The following SUN2 variants were observed in gnomAD, a reference collection of about 807,000 sequenced individuals.
The protein encoded by SUN2 is Sad1 and UNC84 domain containing 2.
In SUN2, 60 loss-of-function variants were observed where a neutral mutation model predicts 100.0. That is an observed-to-expected ratio of 0.60 (90% CI 0.49 to 0.74). The LOEUF (loss-of-function observed/expected upper bound fraction) is 0.74, where lower values mean the gene tolerates loss of function less well. SUN2 is among the 30% of genes least tolerant of loss of function. The pLI is 0.00. For missense variants in SUN2, 834 were observed against 954.6 expected (o/e 0.87, Z 1.66); for synonymous variants, 367 against 403.3 (o/e 0.91, Z 1.08).
At position 38,739,966 on chromosome 22, in the gene SUN2, C is replaced by CAGGG; in HGVS notation, c.1357-24_1357-23insCCCT. 11 of 1,603,796 alleles carry CAGGG rather than the reference C, an allele frequency of 6.9e-6. No individual in the cohort carries two copies. Among genetic ancestry groups the CAGGG allele is most frequent in the Non-Finnish European group, 9.3e-6 (11 of 1,177,628 alleles). On this transcript the variant is annotated intron_variant, in intron 12 of 17. Transcript: ENST00000689035. The surrounding 1 kb of genome is among the most constrained non-coding windows in gnomAD (Gnocchi z 6.7). Reference sequence around the variant, plus strand: ...CACCTATAGGAACCCAAAGGGGTGTCACCCTGGGGGGCTTGCAGGGACAGC... The same window carrying CAGGG: ...CACCTATAGGAACCCAAAGGGGTGTCAGGGACCCTGGGGGGCTTGCAGGGACAGC...
In SUN2 at chr22:38,736,088, TA is replaced by T; in HGVS notation, c.*178del. 1.5e-6 allele frequency: 1 copy of T among 685,564 alleles called. No homozygotes were observed. Among genetic ancestry groups the T allele is most frequent in the Non-Finnish European group, 2.7e-6 (1 of 372,498 alleles). The allele number at this position is 685,564 out of a possible 1,614,324, so 42.5% of individuals were successfully genotyped here. A position where few individuals can be genotyped will look rare whatever the true frequency, so the allele number is the denominator to read the frequency against. The stretch of plus-strand genomic sequence containing the variant: ...GAAGAAGGGAGCTGCTGGAGCCTGC[TA>T]ACCGCCTCGAGCCACCTGCTGCTCA... On this transcript the variant is annotated 3_prime_UTR_variant, in exon 18 of 18. Transcript: ENST00000689035.
chr22:38,755,297 G>T lies in SUN2; in HGVS notation c.-38+466C>A, dbSNP rs1274284791. The T allele has an allele frequency of 1.7e-5, 19 of 1,119,710 alleles. No homozygotes were observed. The highest frequency in any genetic ancestry group is 1.8e-5 in the Non-Finnish European group (16 of 907,326). 69.4% of individuals were successfully genotyped at this position (1,119,710 alleles called of 1,614,324 possible). ...CTGCAGAAATTGTCACCAAAGGCGC[G>T]CCTCCTGGCTCTCTAAGTCACACCG... On this transcript the variant is annotated intron_variant, in intron 1 of 17. Transcript: ENST00000689035. This position sits in a 1 kb window ranked among gnomAD's most constrained non-coding sequence, Gnocchi z 5.7.
At chr22:38,752,187 G>T (rs2092950298) in intron 2 of SUN2, among the ~76,000 whole-genome samples, 1 of 152,052 alleles carries the variant, frequency 6.6e-6, no homozygotes, top group Non-Finnish European at 1.5e-5. Flanking sequence ...GTTGGTCAGG[G>T]TCAGGTGATC....
chr22:38,734,975 G>C lies in SUN2; in HGVS notation c.*1292C>G. On this transcript the variant is annotated 3_prime_UTR_variant, in exon 18 of 18. Coordinates refer to ENST00000689035, the MANE Select transcript of SUN2 (RefSeq NM_015374.3). ...CCCCTTCCCCGCAGCCAGACCACCA[G>C]ACACAGCCGGAACCAGTGCCCCAGG... 3.5e-6 allele frequency: 1 copy of C among 284,592 alleles called. No homozygotes were observed. Among genetic ancestry groups the C allele is most frequent in the Non-Finnish European group, 6.9e-6 (1 of 143,928 alleles). 17.6% of individuals were successfully genotyped at this position (284,592 alleles called of 1,614,324 possible).
In SUN2 at chr22:38,738,154, G is replaced by GCATCTGCCCAGGTACGC. The variant is rs1209211150; in HGVS notation, c.2040+18_2040+19insGCGTACCTGGGCAGATG. ...TGGGGAGTCTGCGCCACTTCTGCTAGCACAGCAGCATCCCGTACCTGAAAG... is the reference window on the plus strand; with the variant it reads ...TGGGGAGTCTGCGCCACTTCTGCTAGCATCTGCCCAGGTACGCCACAGCAGCATCCCGTACCTGAAAG... On this transcript the variant is annotated intron_variant, in intron 17 of 17. Transcript: ENST00000689035. This position sits in a 1 kb window ranked among gnomAD's most constrained non-coding sequence, Gnocchi z 6.6. 6.2e-7 allele frequency: 1 copy of GCATCTGCCCAGGTACGC among 1,611,200 alleles called. No homozygotes were observed. The highest frequency in any genetic ancestry group is 8.5e-7 in the Non-Finnish European group (1 of 1,177,682).
Position 38,752,561 on chromosome 22 carries a change from C to T in SUN2, c.68G>A (p.Gly23Glu), listed in dbSNP as rs1277872262. 1.2e-6 allele frequency: 2 copies of T among 1,613,924 alleles called. No individual in the cohort carries two copies. The highest frequency in any genetic ancestry group is 2.7e-5 in the African/African-American group (2 of 74,952). ...CTGACTCCCAGCCACCGAGCTCCCT[C>T]CGCTGCTGCTGCTGCCGTCATCGTC... ...QGDDDGSSSS[G>E]GSSVAGSQST... Residue 23 changes from glycine to glutamate, a missense_variant, in exon 2 of 18, where the codon GGA (glycine) becomes GAA (glutamate). Around this residue, in one of 3 missense-constraint regions of SUN2, gnomAD observed 559 missense variants for 597.7 expected, o/e 0.94. Transcript: ENST00000689035.
intron 2 of SUN2, among the ~76,000 whole-genome samples, chr22:38,751,710 C>T (rs5750677): frequency 0.3 from 44,946 of 152,166 alleles, 6,845 homozygotes; most frequent in East Asian, 0.46. Context: ...GCCTGTGAGC[C>T]GGGCAGGACG....
In SUN2 at chr22:38,742,156, A is replaced by G. The variant is rs1045918809; in HGVS notation, c.1068+145T>C. Reference sequence around the variant, plus strand: ...AGATATTGTCTCAAAAAGAAAAAAAAAAAAGAAAAAAAGAGAAAGGGAGTA... The same window carrying G: ...AGATATTGTCTCAAAAAGAAAAAAAGAAAAGAAAAAAAGAGAAAGGGAGTA... On this transcript the variant is annotated intron_variant, in intron 9 of 17. Coordinates refer to ENST00000689035, the MANE Select transcript of SUN2 (RefSeq NM_015374.3). The G allele has an allele frequency of 6.2e-6, 7 of 1,123,762 alleles. No homozygotes were observed. In the African/African-American group the frequency reaches 6.3e-5, roughly 10 times the overall value. 69.6% of individuals were successfully genotyped at this position (1,123,762 alleles called of 1,614,324 possible). A position where few individuals can be genotyped will look rare whatever the true frequency, so the allele number is the denominator to read the frequency against.
rs761966008 is a variant in SUN2 at position 38,739,022 on chromosome 22, G to A, written c.1664-34C>T. 15 of 1,576,538 alleles carry A rather than the reference G, an allele frequency of 9.5e-6. No homozygotes were observed. In the East Asian group the frequency reaches 1.2e-4, roughly 12 times the overall value. Reference sequence around the variant, plus strand: ...GGAGAGGAAGGCAGGGTGGGCTCCCGCACGGGAGGAGGGCCCCGCTCAGGC... The same window carrying A: ...GGAGAGGAAGGCAGGGTGGGCTCCCACACGGGAGGAGGGCCCCGCTCAGGC... On this transcript the variant is annotated intron_variant, in intron 14 of 17. Coordinates refer to ENST00000689035, the MANE Select transcript of SUN2 (RefSeq NM_015374.3). This position sits in a 1 kb window ranked among gnomAD's most constrained non-coding sequence, Gnocchi z 6.7.
At position 38,755,692 on chromosome 22, in the gene SUN2, G is replaced by T; in HGVS notation, c.-38+71C>A. 3.1e-6 allele frequency: 3 copies of T among 981,072 alleles called. No individual in the cohort carries two copies. Among genetic ancestry groups the T allele is most frequent in the Non-Finnish European group, 3.6e-6 (3 of 826,250 alleles). 60.8% of individuals were successfully genotyped at this position (981,072 alleles called of 1,614,324 possible). On this transcript the variant is annotated intron_variant, in intron 1 of 17. Transcript: ENST00000689035. The surrounding 1 kb of genome is among the most constrained non-coding windows in gnomAD (Gnocchi z 5.7). Reference sequence around the variant, plus strand: ...CCTGGCGGCGCGGCCCCGCCCGAGTGGCCCGACGGTGACCCGGGGTCAGGC... The same window carrying T: ...CCTGGCGGCGCGGCCCCGCCCGAGTTGCCCGACGGTGACCCGGGGTCAGGC...
intron 5 of SUN2, 43 bp from the exon 6 acceptor site, chr22:38,749,902 G>T (rs1427198426): frequency 1.3e-6 from 2 of 1,567,840 alleles, no homozygotes; most frequent in East Asian, 2.3e-5. Flanking sequence ...TATGGTGTTT[G>T]GGGGCACCGC....
chr22:38,739,214 C>A lies in SUN2; in HGVS notation c.1663+128G>T. 1 of 1,111,852 alleles carries A rather than the reference C, an allele frequency of 9.0e-7. No homozygotes were observed. The highest frequency in any genetic ancestry group is 1.4e-6 in the Non-Finnish European group (1 of 739,826). 68.9% of individuals were successfully genotyped at this position (1,111,852 alleles called of 1,614,324 possible). A position where few individuals can be genotyped will look rare whatever the true frequency, so the allele number is the denominator to read the frequency against. The stretch of plus-strand genomic sequence containing the variant: ...TTGCCACTTGCCTTTGTCATGGGTA[C>A]TAGGTTGGGTGATTTCTGCTGATCC... On this transcript the variant is annotated intron_variant, in intron 14 of 17. Transcript: ENST00000689035. The surrounding 1 kb of genome is among the most constrained non-coding windows in gnomAD (Gnocchi z 6.7).
intron 8 of SUN2, among the ~76,000 whole-genome samples, chr22:38,744,215 G>C (rs2092884710): frequency 6.7e-6 from 1 of 149,766 alleles, no homozygotes; most frequent in Non-Finnish European, 1.5e-5. Flanking sequence ...ACTCCAGCCT[G>C]GGTGACGCAG....
At chr22:38,754,603 T>TGGGGGGGGGGGGGGGGGGGGG in intron 1 of SUN2, 1 of 889,150 alleles carries the variant, frequency 1.1e-6, no homozygotes, top group Non-Finnish European at 1.6e-6. Flanking sequence ...TAAGGTAATC[T>TGGGGGGGGGGGGGGGGGGGGG]CCCCTCCCCC....
At chr22:38,744,441 CATG>C (rs1310639438) in intron 8 of SUN2, among the ~76,000 whole-genome samples, 1 of 151,798 alleles carries the variant, frequency 6.6e-6, no homozygotes, top group African/African-American at 2.4e-5. Flanking sequence ...ATTTGACAGA[CATG>C]GTGGTGTACA....
rs748135590 is a variant in SUN2 at position 38,739,406 on chromosome 22, C to T, written c.1599G>A (p.Lys533=). The change falls in exon 14 of 18, where the codon AAG becomes AAA. Residue 533 remains lysine (K), a synonymous_variant. Coordinates refer to ENST00000689035, the MANE Select transcript of SUN2 (RefSeq NM_015374.3). The surrounding 1 kb of genome is among the most constrained non-coding windows in gnomAD (Gnocchi z 6.7). The part of the protein sequence containing the change: ...VTEEQVHHIV[K]QALQRYSEDR... ...CCTCACTGTAGCGCTGCAGGGCCTG[C>T]TTCACGATGTGGTGCACCTGCTGCA... The T allele has an allele frequency of 6.2e-7, 1 of 1,613,138 alleles. No homozygotes were observed. Among genetic ancestry groups the T allele is most frequent in the Non-Finnish European group, 8.5e-7 (1 of 1,180,022 alleles).
rs2092801219 is a variant in SUN2, at chr22:38,735,980, C to T, written c.*287G>A. The T allele has an allele frequency of 3.1e-6, 1 of 324,380 alleles. No individual in the cohort carries two copies. 20.1% of individuals were successfully genotyped at this position (324,380 alleles called of 1,614,324 possible). A position where few individuals can be genotyped will look rare whatever the true frequency, so the allele number is the denominator to read the frequency against. The stretch of plus-strand genomic sequence containing the variant: ...CCAAGACCAGTCAGGTCCTACCTCT[C>T]CCAACTTCCCAGTCCCCCATGATAT... On this transcript the variant is annotated 3_prime_UTR_variant, in exon 18 of 18. Transcript: ENST00000689035.
Position 38,740,439 on chromosome 22 carries a change from C to A in SUN2, c.1191-7G>T. 1.3e-6 allele frequency: 2 copies of A among 1,484,678 alleles called. No homozygotes were observed. The highest frequency in any genetic ancestry group is 9.0e-7 in the Non-Finnish European group (1 of 1,109,706). 92.0% of individuals were successfully genotyped at this position (1,484,678 alleles called of 1,614,324 possible). A position where few individuals can be genotyped will look rare whatever the true frequency, so the allele number is the denominator to read the frequency against. On this transcript the variant is annotated splice_region_variant and splice_polypyrimidine_tract_variant and intron_variant, in intron 11 of 17. Transcript: ENST00000689035. This position sits in a 1 kb window ranked among gnomAD's most constrained non-coding sequence, Gnocchi z 4.8. Reference sequence around the variant, plus strand: ...GAAGGACTCCTGGGTCATGCTGGTCCCAGAGAGAGAAGAGTAAGCCTCGGA... The same window carrying A: ...GAAGGACTCCTGGGTCATGCTGGTCACAGAGAGAGAAGAGTAAGCCTCGGA...
Position 38,737,821 on chromosome 22 carries a change from G to A in SUN2, c.2040+352C>T, listed in dbSNP as rs1239761051. 8.3e-6 allele frequency: 4 copies of A among 481,322 alleles called. No homozygotes were observed. The highest frequency in any genetic ancestry group is 3.9e-5 in the African/African-American group (2 of 51,286). 29.8% of individuals were successfully genotyped at this position (481,322 alleles called of 1,614,324 possible). On this transcript the variant is annotated intron_variant, in intron 17 of 17. Transcript: ENST00000689035. The surrounding 1 kb of genome is among the most constrained non-coding windows in gnomAD (Gnocchi z 4.1). Reference sequence around the variant, plus strand: ...GCCGCATGCACTGCCTGAGGCTCCAGCTGGCCATGGTAGAATGCCCGCGCC... The same window carrying A: ...GCCGCATGCACTGCCTGAGGCTCCAACTGGCCATGGTAGAATGCCCGCGCC...
Sources: gnomAD v4.1 joint callset for allele counts (sites outside exome capture counted in the v4.1 genomes callset) on GRCh38, gnomAD v4.1.1 for gene constraint, gnomAD v4.1.1 regional missense constraint, Gnocchi (gnomAD v3.1) non-coding constraint, MANE v1.5 for transcripts, NCBI Gene and HGNC (gene_info 2026-07-23, HGNC 2026-07-21) for gene names.